The following ZNF385B variants were observed in gnomAD, a reference collection of about 807,000 sequenced individuals.
ZNF385B encodes the protein zinc finger protein 385B.
In ZNF385B, 23 loss-of-function variants were observed where a neutral mutation model predicts 39.2. That is an observed-to-expected ratio of 0.59 (90% CI 0.42 to 0.83). ZNF385B has a LOEUF of 0.83. Among genes scored for constraint, ZNF385B ranks in the 40% least tolerant of loss-of-function variants. ZNF385B has a pLI of 0.00. For missense variants in ZNF385B, 552 were observed against 598.9 expected (o/e 0.92, Z 0.82); for synonymous variants, 205 against 222.6 (o/e 0.92, Z 0.70).
intron 1 of ZNF385B, among the ~76,000 whole-genome samples, chr2:179,858,589 GA>G (rs1684782011): frequency 6.6e-6 from 1 of 151,940 alleles, no homozygotes; most frequent in Admixed American, 6.6e-5. Flanking sequence ...GAAAGAAGAA[GA>G]AAAGGTAAAA....
intron 1 of ZNF385B, among the ~76,000 whole-genome samples, chr2:179,777,853 A>G (rs1278611808): frequency 2.0e-5 from 3 of 151,298 alleles, no homozygotes; most frequent in African/African-American, 4.9e-5. Context: ...GCACACTGCA[A>G]CCTCTGCCTC....
chr2:179,479,606 G>A (rs112556824), intron 6 of ZNF385B, among the ~76,000 whole-genome samples: 385 of 152,170 alleles, frequency 2.5e-3, no homozygotes, highest in Non-Finnish European at 4.2e-3. Context: ...TTAGGAGGCC[G>A]TGGCAGGCGG....
intron 3 of ZNF385B, among the ~76,000 whole-genome samples, chr2:179,615,478 G>C (rs760635668): frequency 3.9e-5 from 6 of 152,150 alleles, no homozygotes; most frequent in African/African-American, 7.2e-5. Flanking sequence ...AAGTAATCCT[G>C]ATGCAGACTA....
rs192536918 is a variant in ZNF385B, at chr2:179,676,381, C to T, written c.298+93122G>A. Among the ~76,000 whole-genome samples, 175 of 151,224 alleles carry T rather than the reference C, an allele frequency of 1.2e-3. 1 individual carries two copies. In the Middle Eastern group the frequency reaches 0.021, roughly 18 times the overall value. ...GGGATTACAGGCGTGAGCCACCACG[C>T]CCAGCCTAATTTTTTTGTATTTTTA... On this transcript the variant is annotated intron_variant, in intron 3 of 9. Transcript: ENST00000410066.
At chr2:179,658,259 A>T (rs1038497648) in intron 3 of ZNF385B, among the ~76,000 whole-genome samples, 1 of 152,188 alleles carries the variant, frequency 6.6e-6, no homozygotes, top group Non-Finnish European at 1.5e-5. Flanking sequence ...AGAGGCAGGG[A>T]TCATTCTCCT....
At chr2:179,628,624 C>T (rs1023696008) in intron 3 of ZNF385B, among the ~76,000 whole-genome samples, 43 of 152,288 alleles carry the variant, frequency 2.8e-4, no homozygotes, top group Non-Finnish European at 4.4e-4. Flanking sequence ...TTGTTCTTCT[C>T]ATCCTAATTC....
chr2:179,689,996 C>T (rs1249877005), intron 3 of ZNF385B, among the ~76,000 whole-genome samples: 1 of 152,082 alleles, frequency 6.6e-6, no homozygotes, highest in Non-Finnish European at 1.5e-5. Context: ...TAATTGATTC[C>T]AGCATTGCTA....
intron 3 of ZNF385B, among the ~76,000 whole-genome samples, chr2:179,703,029 C>T (rs1699326887): frequency 6.6e-6 from 1 of 152,208 alleles, no homozygotes. Flanking sequence ...CACCTTCAGC[C>T]TCTTTTCAAC....
chr2:179,644,951 C>A (rs1371723381), intron 3 of ZNF385B, among the ~76,000 whole-genome samples: 1 of 152,102 alleles, frequency 6.6e-6, no homozygotes, highest in Non-Finnish European at 1.5e-5. Flanking sequence ...TTTGTTATAA[C>A]CTGTTTTAAA....
intron 3 of ZNF385B, among the ~76,000 whole-genome samples, chr2:179,672,407 T>C (rs771894702): frequency 2.6e-5 from 4 of 152,232 alleles, no homozygotes; most frequent in Non-Finnish European, 5.9e-5. Context: ...CTTTGGACTT[T>C]AGACTTTTGA....
At chr2:179,726,871 G>A (rs1416082043) in intron 3 of ZNF385B, among the ~76,000 whole-genome samples, 1 of 152,096 alleles carries the variant, frequency 6.6e-6, no homozygotes, top group African/African-American at 2.4e-5. Flanking sequence ...TTTGAAGCAT[G>A]AGATAAAACA....
At chr2:179,716,783 C>T (rs1159795038) in intron 3 of ZNF385B, among the ~76,000 whole-genome samples, 5 of 152,054 alleles carry the variant, frequency 3.3e-5, no homozygotes, top group Admixed American at 6.6e-5. Context: ...CCTGAGCCAC[C>T]GTATCAACAA....
intron 1 of ZNF385B, among the ~76,000 whole-genome samples, chr2:179,853,821 G>A (rs1007796748): frequency 2.0e-5 from 3 of 152,096 alleles, no homozygotes; most frequent in Admixed American, 6.5e-5. Flanking sequence ...CTTGGTAAAC[G>A]AAAGCACAGA....
At chr2:179,751,904 C>CT (rs1473245845) in intron 3 of ZNF385B, among the ~76,000 whole-genome samples, 6 of 151,934 alleles carry the variant, frequency 3.9e-5, no homozygotes, top group African/African-American at 7.2e-5. Context: ...TTTAAAATCT[C>CT]TTTTTTTAAT....
At chr2:179,604,337 G>T (rs1236748226) in intron 3 of ZNF385B, among the ~76,000 whole-genome samples, 1 of 151,956 alleles carries the variant, frequency 6.6e-6, no homozygotes, top group Non-Finnish European at 1.5e-5. Context: ...AAATTTTTAA[G>T]TGGATTCCTA....
At chr2:179,685,695 TAA>T (rs10930881) in intron 3 of ZNF385B, among the ~76,000 whole-genome samples, 5 of 150,626 alleles carry the variant, frequency 3.3e-5, no homozygotes, top group Admixed American at 6.6e-5. Flanking sequence ...CAGAAAGTGC[TAA>T]AAAAAAAAAT....
chr2:179,789,405 A>T (rs1705193872), intron 1 of ZNF385B, among the ~76,000 whole-genome samples: 1 of 152,212 alleles, frequency 6.6e-6, no homozygotes, highest in Admixed American at 6.5e-5. Context: ...ACTATATCAG[A>T]CTGTAGACCA....
chr2:179,775,399 G>A (rs941774386), intron 1 of ZNF385B, among the ~76,000 whole-genome samples: 2 of 152,190 alleles, frequency 1.3e-5, no homozygotes, highest in Non-Finnish European at 2.9e-5. Context: ...AAGTGACTGT[G>A]GAGAACTCTC....
intron 3 of ZNF385B, among the ~76,000 whole-genome samples, chr2:179,602,489 G>A (rs893507943): frequency 3.9e-5 from 6 of 151,996 alleles, no homozygotes; most frequent in South Asian, 4.2e-4. Flanking sequence ...GTGAGCCATC[G>A]CACCCAGCTT....
Sources: allele counts gnomAD v4.1 joint callset (sites outside exome capture counted in the v4.1 genomes callset), GRCh38; gene constraint gnomAD v4.1.1; transcripts MANE v1.5; gene names NCBI Gene and HGNC (gene_info 2026-07-23, HGNC 2026-07-21).